ERI3: variants seen among roughly 807,000 people sequenced by gnomAD.
ERI3 encodes the protein ERI1 exoribonuclease family member 3, also known as ERI1 exoribonuclease 3.
In ERI3, 18 loss-of-function variants were observed where a neutral mutation model predicts 44.4. The ratio of observed to expected loss-of-function variants is 0.41; its 90% confidence interval spans 0.28 to 0.60. ERI3 has a LOEUF of 0.60. Ranked by LOEUF, ERI3 falls within the 20% of genes least tolerant of loss-of-function variation. The pLI, the probability that ERI3 is intolerant of heterozygous loss-of-function variation, is 0.36. For missense variants in ERI3, 294 were observed against 435.5 expected (o/e 0.68, Z 2.89); for synonymous variants, 183 against 164.8 (o/e 1.11, Z -0.84).
chr1:44,322,731 A>G (rs1463362155), intron 3 of ERI3: 19 of 1,548,864 alleles, frequency 1.2e-5, no homozygotes, highest in Non-Finnish European at 1.7e-5. Flanking sequence ...TTACCATCCC[A>G]TATTGCCCAG....
chr1:44,293,012 C>T (rs1645540253), intron 6 of ERI3, among the ~76,000 whole-genome samples: 1 of 152,244 alleles, frequency 6.6e-6, no homozygotes, highest in South Asian at 2.1e-4. Flanking sequence ...CAGCGAGCGC[C>T]TCTGTCGCCA....
chr1:44,303,774 G>C (rs1645776326), intron 6 of ERI3, among the ~76,000 whole-genome samples: 1 of 152,054 alleles, frequency 6.6e-6, no homozygotes, highest in South Asian at 2.1e-4. Flanking sequence ...TGAGGGCAAG[G>C]GCAAACCTTG....
chr1:44,312,829 C>T (rs1261524508), intron 5 of ERI3, among the ~76,000 whole-genome samples: 5 of 152,240 alleles, frequency 3.3e-5, no homozygotes, highest in Non-Finnish European at 7.3e-5. Flanking sequence ...TGGGGCTAGT[C>T]CCACAGTACC....
At chr1:44,324,796 A>G (rs1646275135) in intron 3 of ERI3, among the ~76,000 whole-genome samples, 1 of 152,112 alleles carries the variant, frequency 6.6e-6, no homozygotes, top group African/African-American at 2.4e-5. Flanking sequence ...TGGACTTTCA[A>G]TGCTAACACT....
At chr1:44,222,782 G>T (rs1463253109) in intron 8 of ERI3, among the ~76,000 whole-genome samples, 3 of 152,210 alleles carry the variant, frequency 2.0e-5, no homozygotes, top group African/African-American at 7.2e-5. Context: ...CAGGGCCTCA[G>T]CCACCACCAA....
Position 44,252,063 on chromosome 1 carries a change from G to A in ERI3, c.832-4025C>T, listed in dbSNP as rs1044797956. ...CTCTCTCAGCCATCAGGGTCCACCT[G>A]CCCAGCTATGCACAGTCAGCACCTA... On this transcript the variant is annotated intron_variant, in intron 7 of 8. Transcript: ENST00000372257. The surrounding 1 kb of genome is among the most constrained non-coding windows in gnomAD (Gnocchi z 4.7). Among the ~76,000 whole-genome samples, 1 of 152,192 alleles carries A rather than the reference G, an allele frequency of 6.6e-6. No individual in the cohort carries two copies. The highest frequency in any genetic ancestry group is 2.4e-5 in the African/African-American group (1 of 41,450).
chr1:44,248,700 A>AGTGTGT (rs1292976718), intron 7 of ERI3, among the ~76,000 whole-genome samples: 42 of 106,500 alleles, frequency 3.9e-4, no homozygotes, highest in African/African-American at 1.9e-3. Flanking sequence ...TGTGTGAGAG[A>AGTGTGT]GAGTGTGTGT....
Position 44,264,565 on chromosome 1 carries a change from A to G in ERI3, c.832-16527T>C, listed in dbSNP as rs572029439. Among the ~76,000 whole-genome samples the G allele has an allele frequency of 5.9e-5, 9 of 152,354 alleles. No individual in the cohort carries two copies. In the South Asian group the frequency reaches 1.0e-3, roughly 18 times the overall value. ...AGGCTGGACGGCGCGTGCATAGGCA[A>G]TGAAGCTCCGGGTGGGGTCTCCTCC... On this transcript the variant is annotated intron_variant, in intron 7 of 8. Coordinates refer to ENST00000372257, the MANE Select transcript of ERI3 (RefSeq NM_024066.3).
At chr1:44,276,729 T>C (rs530895894) in intron 7 of ERI3, among the ~76,000 whole-genome samples, 1 of 152,332 alleles carries the variant, frequency 6.6e-6, no homozygotes, top group Non-Finnish European at 1.5e-5. Context: ...CCCCCTGCTA[T>C]CTTCTTTTCC....
At chr1:44,322,862 CA>C (rs1646232283) in intron 3 of ERI3, 9 of 1,546,586 alleles carry the variant, frequency 5.8e-6, no homozygotes, top group Non-Finnish European at 7.9e-6. Flanking sequence ...TGAAGCATGA[CA>C]AACATTTTGA....
At chr1:44,354,823 C>A in intron 1 of ERI3, 69 bp downstream of exon 1, 4 of 1,309,114 alleles carry the variant, frequency 3.1e-6, no homozygotes, top group South Asian at 6.4e-5. Flanking sequence ...AAATTCTGCG[C>A]ACCGCGACCC....
chr1:44,323,435 G>C (rs1646244397), intron 3 of ERI3, among the ~76,000 whole-genome samples: 1 of 152,098 alleles, frequency 6.6e-6, no homozygotes, highest in Non-Finnish European at 1.5e-5. Context: ...CTTAATCCTG[G>C]CAGACAGGTT....
intron 5 of ERI3, 41 bp downstream of exon 5, chr1:44,313,128 G>C: frequency 6.3e-7 from 1 of 1,578,804 alleles, no homozygotes; most frequent in Non-Finnish European, 8.7e-7. Context: ...AAGGCAGCAG[G>C]AAGGGGTCAG....
chr1:44,294,924 C>A (rs1462147353), intron 6 of ERI3, among the ~76,000 whole-genome samples: 1 of 152,206 alleles, frequency 6.6e-6, no homozygotes. Flanking sequence ...CGCAGAGAGG[C>A]ATCCTCCTAG....
chr1:44,292,368 G>C (rs1221107537), intron 6 of ERI3, among the ~76,000 whole-genome samples: 2 of 152,162 alleles, frequency 1.3e-5, no homozygotes, highest in Non-Finnish European at 2.9e-5. Flanking sequence ...CAAGACCCCA[G>C]GCCAGACACA....
intron 8 of ERI3, among the ~76,000 whole-genome samples, chr1:44,236,308 A>G (rs1411917894): frequency 6.6e-6 from 1 of 152,250 alleles, no homozygotes; most frequent in African/African-American, 2.4e-5. Context: ...TATAAGCCAA[A>G]TGAAACAGAC....
intron 8 of ERI3, 147 bp downstream of exon 8, chr1:44,247,791 AC>A: frequency 1.1e-5 from 5 of 460,288 alleles, no homozygotes; most frequent in Non-Finnish European, 1.5e-5. Flanking sequence ...TTCTCATGCC[AC>A]CCCCCTTCCA....
intron 6 of ERI3, among the ~76,000 whole-genome samples, chr1:44,304,878 A>G (rs760294796): frequency 6.6e-5 from 10 of 152,098 alleles, no homozygotes; most frequent in Non-Finnish European, 1.2e-4. Context: ...CAGGGGAAAA[A>G]AAGGAAGTCA....
chr1:44,285,051 GA>G, intron 6 of ERI3, 144 bp from the exon 7 acceptor site: 1 of 653,892 alleles, frequency 1.5e-6, no homozygotes, highest in Non-Finnish European at 2.7e-6. Context: ...CCCCACCAAA[GA>G]AAGGGAACCC....
Sources: gnomAD v4.1 joint callset for allele counts (sites outside exome capture counted in the v4.1 genomes callset) on GRCh38, gnomAD v4.1.1 for gene constraint, Gnocchi (gnomAD v3.1) non-coding constraint, MANE v1.5 for transcripts, NCBI Gene and HGNC (gene_info 2026-07-23, HGNC 2026-07-21) for gene names.